The following GTF3C1 variants were observed in gnomAD, a reference collection of about 807,000 sequenced individuals.
The protein encoded by GTF3C1 is general transcription factor IIIC subunit 1.
GTF3C1 carries 57 observed loss-of-function variants against 226.7 expected under a neutral mutation model. The ratio of observed to expected loss-of-function variants is 0.25; its 90% CI spans 0.20 to 0.31. GTF3C1 has a LOEUF of 0.31. GTF3C1 is among the 10% of genes least tolerant of loss of function. The pLI, the probability that GTF3C1 is intolerant of heterozygous loss-of-function variation, is 1.00. For missense variants in GTF3C1, 2,217 were observed against 2,776.1 expected, an observed-to-expected ratio of 0.80 and a Z score of 4.53; for synonymous variants, 1,090 against 1,084.8, an observed-to-expected ratio of 1.00 and a Z score of -0.09.
At chr16:27,464,251 C>T (rs1207379961) in intron 34 of GTF3C1, 69 bp downstream of exon 34, 3 of 997,858 alleles carry the variant, frequency 3.0e-6, no homozygotes, top group Admixed American at 7.5e-5. Flanking sequence ...AGGTGTGAGG[C>T]CCATCAGGGC....
intron 27 of GTF3C1, among the ~76,000 whole-genome samples, chr16:27,480,201 CA>C (rs35428757): frequency 0.22 from 13,446 of 61,140 alleles, 446 homozygotes; most frequent in Middle Eastern, 0.25. Flanking sequence ...GACTCCATCT[CA>C]AAAAAAAAAA....
At position 27,503,024 on chromosome 16, in the gene GTF3C1, C is replaced by A. The variant is rs202220034; in HGVS notation, c.1771-29G>T. ...GAACAGAGACCGAAAGCACAAGATG[C>A]AATGGGCTCGGCAAGGCTTGGGGGC... On this transcript the variant is annotated intron_variant, in intron 10 of 36. Transcript: ENST00000356183. 6 of 1,600,904 alleles carry A rather than the reference C, an allele frequency of 3.7e-6. No homozygotes were observed. In the East Asian group the frequency reaches 1.1e-4, roughly 30 times the overall value.
Position 27,492,424 on chromosome 16 carries a change from T to C in GTF3C1, c.3065A>G (p.Glu1022Gly). Reference sequence around the variant, plus strand: ...TGAGTTCAGGACATAGAGGCGCCTCTCGAAGGGCCGGCTGCTGCGGGCCAG... The same window carrying C: ...TGAGTTCAGGACATAGAGGCGCCTCCCGAAGGGCCGGCTGCTGCGGGCCAG... ...YNLARSSRPF[E>G]RRLYVLNSMQ... Residue 1022 changes from glutamate (E) to glycine (G), a missense_variant, in exon 19 of 37, where the codon GAG becomes GGG. By Grantham distance (98) the Glu-to-Gly change is moderately conservative (BLOSUM62 -2). Transcript: ENST00000356183. This position sits in a 1 kb window ranked among gnomAD's most constrained non-coding sequence, Gnocchi z 5.0. 6.2e-7 allele frequency: 1 copy of C among 1,611,962 alleles called. No homozygotes were observed.
intron 6 of GTF3C1, among the ~76,000 whole-genome samples, chr16:27,526,087 A>T (rs897925674): frequency 1.2e-4 from 18 of 152,288 alleles, no homozygotes; most frequent in African/African-American, 4.3e-4. Flanking sequence ...TGCAGGGGCT[A>T]TTTTGTTGGG....
chr16:27,501,375 C>T, intron 11 of GTF3C1, 31 bp from the exon 12 acceptor site: 15 of 1,606,570 alleles, frequency 9.3e-6, no homozygotes, highest in Non-Finnish European at 1.3e-5. Context: ...AGATAACACT[C>T]CCAATCTCAA....
Position 27,545,427 on chromosome 16 carries a change from A to G in GTF3C1, c.318T>C (p.Asn106=), listed in dbSNP as rs2089148954. Residue 106 remains asparagine (N), a synonymous_variant, in exon 2 of 37, where the codon AAT becomes AAC. Coordinates refer to ENST00000356183, the MANE Select transcript of GTF3C1 (RefSeq NM_001520.4). ...GGCATGAGCCCTGGATGCCATCCTTATTCTCTAAGATCATATGAATGGGGT... is the reference window on the plus strand; with the variant it reads ...GGCATGAGCCCTGGATGCCATCCTTGTTCTCTAAGATCATATGAATGGGGT... The part of the protein sequence containing the change: ...DVYPIHMILE[N]KDGIQGSCRY... 1.9e-6 allele frequency: 3 copies of G among 1,611,526 alleles called. No homozygotes were observed. Among genetic ancestry groups the G allele is most frequent in the South Asian group, 2.2e-5 (2 of 91,040 alleles).
intron 26 of GTF3C1, chr16:27,482,392 T>G (rs1039204534): frequency 3.2e-5 from 14 of 439,606 alleles, no homozygotes; most frequent in Non-Finnish European, 6.0e-5. Context: ...TTCTGTCACT[T>G]CCATCCAAAA....
At chr16:27,467,271 G>C (rs897278129) in intron 32 of GTF3C1, among the ~76,000 whole-genome samples, 3 of 152,186 alleles carry the variant, frequency 2.0e-5, no homozygotes, top group African/African-American at 7.2e-5. Context: ...AATTCTTAGG[G>C]CCCTTAAGAA....
intron 19 of GTF3C1, 97 bp from the exon 20 acceptor site, chr16:27,489,840 T>C: frequency 1.5e-6 from 2 of 1,305,328 alleles, no homozygotes; most frequent in Non-Finnish European, 2.1e-6. Context: ...GTGGATTCCC[T>C]GCCTGTGAAA....
At chr16:27,540,590 G>T (rs1317770003) in intron 2 of GTF3C1, among the ~76,000 whole-genome samples, 16 of 152,168 alleles carry the variant, frequency 1.1e-4, no homozygotes, top group Admixed American at 1.0e-3. Flanking sequence ...AAATGCCAAT[G>T]AAGTACCATG....
Position 27,461,242 on chromosome 16 carries a change from C to T in GTF3C1, c.*108G>A. On this transcript the variant is annotated 3_prime_UTR_variant, in exon 37 of 37. Coordinates refer to ENST00000356183, the MANE Select transcript of GTF3C1 (RefSeq NM_001520.4). The surrounding 1 kb of genome is among the most constrained non-coding windows in gnomAD (Gnocchi z 5.3). ...TGGCCAAAGCACCCGTCCCCTGCTG[C>T]AGGAGGCTCGGCAGACCCAAGGCCA... The T allele has an allele frequency of 1.5e-6, 1 of 669,082 alleles. No individual in the cohort carries two copies. The highest frequency in any genetic ancestry group is 2.7e-5 in the East Asian group (1 of 37,186). 41.4% of individuals were successfully genotyped at this position (669,082 alleles called of 1,614,324 possible).
chr16:27,462,482 A>G lies in GTF3C1; in HGVS notation c.5929T>C (p.Cys1977Arg). 2 of 1,612,734 alleles carry G rather than the reference A, an allele frequency of 1.2e-6. No homozygotes were observed. Among genetic ancestry groups the G allele is most frequent in the Non-Finnish European group, 1.7e-6 (2 of 1,178,982 alleles). Reference protein sequence around the residue: ...NISQAARERDCESVCFIGRPW... With the variant: ...NISQAARERDRESVCFIGRPW... ...CGGCCGATGAAGCAGACACTCTCAC[A>G]GTCCCTGCAGGGAGAGGGCTTGACA... Residue 1977 changes from cysteine (C) to arginine (R), a missense_variant, in exon 36 of 37, where the codon TGT (cysteine) becomes CGT (arginine). Coordinates refer to ENST00000356183, the MANE Select transcript of GTF3C1 (RefSeq NM_001520.4). This position sits in a 1 kb window ranked among gnomAD's most constrained non-coding sequence, Gnocchi z 4.5.
At position 27,506,905 on chromosome 16, in the gene GTF3C1, T is replaced by C; in HGVS notation, c.1494A>G (p.Thr498=). 6.2e-7 allele frequency: 1 copy of C among 1,613,784 alleles called. No individual in the cohort carries two copies. The highest frequency in any genetic ancestry group is 8.5e-7 in the Non-Finnish European group (1 of 1,179,946). The part of the protein sequence containing the change: ...KRRGRGSQKD[T]RASANLRPKT... ...TGGGCCGGAGGTTTGCAGAGGCTCT[T>C]GTGTCTTTCTGGGACCCTCTGCCTC... Residue 498 remains threonine, a synonymous_variant, in exon 9 of 37, where the codon ACA becomes ACG. Transcript: ENST00000356183.
In GTF3C1 at chr16:27,488,612, T is replaced by A; in HGVS notation, c.3453A>T (p.Gly1151=). The A allele has an allele frequency of 6.2e-7, 1 of 1,613,346 alleles. No individual in the cohort carries two copies. The highest frequency in any genetic ancestry group is 8.5e-7 in the Non-Finnish European group (1 of 1,179,824). ...AKKENTAAEN[G]LTVRLQTFLS... Reference sequence around the variant, plus strand: ...GAAATGTCTGGAGCCTCACTGTGAGTCCATTCTCTGCGGCAGTGTTCTCCT... The same window carrying A: ...GAAATGTCTGGAGCCTCACTGTGAGACCATTCTCTGCGGCAGTGTTCTCCT... The change falls in exon 22 of 37, where the codon GGA becomes GGT. Residue 1151 remains glycine, a synonymous_variant. Coordinates refer to ENST00000356183, the MANE Select transcript of GTF3C1 (RefSeq NM_001520.4).
intron 7 of GTF3C1, among the ~76,000 whole-genome samples, chr16:27,509,921 C>G (rs546487539): frequency 1.2e-4 from 19 of 152,010 alleles, no homozygotes; most frequent in Non-Finnish European, 2.5e-4. Flanking sequence ...AGGATGTGTT[C>G]CTATACTGAT....
intron 11 of GTF3C1, among the ~76,000 whole-genome samples, chr16:27,502,295 A>C (rs2088417477): frequency 6.6e-6 from 1 of 152,022 alleles, no homozygotes; most frequent in South Asian, 2.1e-4. Flanking sequence ...CTCCTCACCG[A>C]GTGGCTCTCA....
At position 27,461,718 on chromosome 16, in the gene GTF3C1, A is replaced by T. The variant is rs1165565387; in HGVS notation, c.6118-156T>A. 3 of 626,128 alleles carry T rather than the reference A, an allele frequency of 4.8e-6. No individual in the cohort carries two copies. The highest frequency in any genetic ancestry group is 8.5e-6 in the Non-Finnish European group (3 of 352,328). The allele number at this position is 626,128 out of a possible 1,614,324, so 38.8% of individuals were successfully genotyped here. On this transcript the variant is annotated intron_variant, in intron 36 of 36. Coordinates refer to ENST00000356183, the MANE Select transcript of GTF3C1 (RefSeq NM_001520.4). The surrounding 1 kb of genome is among the most constrained non-coding windows in gnomAD (Gnocchi z 5.3). ...GGCATGAGGCAGATGGGGATGTACC[A>T]GGAGGGTTCAGGCAAAGGCCCTGGT... is the stretch of plus-strand genomic sequence containing the variant.
At chr16:27,486,287 T>C (rs573136005) in intron 23 of GTF3C1, 133 bp from the exon 24 acceptor site, 10 of 554,338 alleles carry the variant, frequency 1.8e-5, no homozygotes, top group Non-Finnish European at 3.2e-5. Context: ...ACTCATTGTA[T>C]CTAAAGTCAC....
chr16:27,489,636 G>C lies in GTF3C1; in HGVS notation c.3259C>G (p.Leu1087Val). The C allele has an allele frequency of 6.2e-7, 1 of 1,611,110 alleles. No individual in the cohort carries two copies. The highest frequency in any genetic ancestry group is 1.1e-5 in the South Asian group (1 of 90,896). The change falls in exon 20 of 37, where the codon CTG becomes GTG. Residue 1087 changes from leucine (L) to valine (V), a missense_variant. Around this residue, in one of 12 missense-constraint regions of GTF3C1, gnomAD observed 353 missense variants for 411.7 expected, o/e 0.86. Coordinates refer to ENST00000356183, the MANE Select transcript of GTF3C1 (RefSeq NM_001520.4). ...TCCAGCATGGCGCACTTGCGCTCCA[G>C]GTTGTGCTTGTCCATGGCGCTCTCC... ...EQESAMDKHN[L>V]ERKCAMLEYT...
Sources: allele counts gnomAD v4.1 joint callset (sites outside exome capture counted in the v4.1 genomes callset), GRCh38; gene constraint gnomAD v4.1.1; regional missense constraint gnomAD v4.1.1; non-coding constraint Gnocchi (gnomAD v3.1); transcripts MANE v1.5; gene names NCBI Gene and HGNC (gene_info 2026-07-23, HGNC 2026-07-21).